The following AARS1 variants were observed in gnomAD, a reference collection of about 807,000 sequenced individuals.
The protein encoded by AARS1 is alanyl-tRNA synthetase 1.
In AARS1, 72 loss-of-function variants were observed where a neutral mutation model predicts 108.9. That is an observed-to-expected ratio of 0.66 (90% CI 0.55 to 0.80). The LOEUF (loss-of-function observed/expected upper bound fraction) is 0.80. Ranked by LOEUF, AARS1 falls within the 30% of genes least tolerant of loss-of-function variation. The pLI is 0.00. For missense variants in AARS1, 1,193 were observed against 1,233.2 expected, an observed-to-expected ratio of 0.97 and a Z score of 0.49; for synonymous variants, 489 against 465.7, an observed-to-expected ratio of 1.05 and a Z score of -0.64.
At chr16:70,271,331 C>G (rs1292951167) in intron 5 of AARS1, among the ~76,000 whole-genome samples, 2 of 151,964 alleles carry the variant, frequency 1.3e-5, no homozygotes, top group African/African-American at 2.4e-5. Context: ...GAGTTCGAGA[C>G]CAGCCTGACC....
At chr16:70,262,987 A>AAAAAAAAC (rs1960176197) in intron 11 of AARS1, among the ~76,000 whole-genome samples, 1 of 147,392 alleles carries the variant, frequency 6.8e-6, no homozygotes, top group Non-Finnish European at 1.5e-5. Flanking sequence ...AAAAAAAAAA[A>AAAAAAAAC]AAAAAAAAAA....
rs756739953 is a variant in AARS1, at chr16:70,258,969, G to A, written c.1992+11C>T. 1.2e-5 allele frequency: 19 copies of A among 1,613,682 alleles called. No individual in the cohort carries two copies. The highest frequency in any genetic ancestry group is 4.5e-5 in the East Asian group (2 of 44,882). ...TGGGGAGGGGGGGCATTCAGCCGTC[G>A]CCCATCCTACCTTGGCTGCCTCAAT... On this transcript the variant is annotated intron_variant, in intron 14 of 20. Transcript: ENST00000261772.
chr16:70,277,290 G>C, intron 2 of AARS1, 136 bp from the exon 3 acceptor site: 1 of 997,614 alleles, frequency 1.0e-6, no homozygotes, highest in South Asian at 1.4e-5. Flanking sequence ...ACACTTGTCA[G>C]AACAGGTGGC....
chr16:70,285,529 G>T (rs944238183), intron 1 of AARS1, among the ~76,000 whole-genome samples: 1 of 152,052 alleles, frequency 6.6e-6, no homozygotes, highest in South Asian at 2.1e-4. Context: ...GCTCACTGCA[G>T]CTTCCACCTC....
intron 17 of AARS1, chr16:70,254,391 A>T: frequency 3.4e-6 from 2 of 594,192 alleles, no homozygotes; most frequent in African/African-American, 1.8e-5. Context: ...GTGCCCATAC[A>T]TGCTTGGGAA....
In AARS1 at chr16:70,277,125, G is replaced by A. The variant is rs1258171476; in HGVS notation, c.174C>T (p.Asp58=). The change falls in exon 3 of 21, where the codon GAC becomes GAT. Residue 58 remains aspartate, a synonymous_variant. Transcript: ENST00000261772. ...QFKPIFLNTI[D]PSHPMAKLSR... is the part of the protein sequence containing the mutation. ...TCAGCTTTGCCATGGGGTGAGATGG[G>A]TCAATTGTGTTCAGGAAAATGGGTT... is the stretch of plus-strand genomic sequence containing the variant. 6.2e-6 allele frequency: 10 copies of A among 1,614,044 alleles called. No homozygotes were observed. The highest frequency in any genetic ancestry group is 6.8e-6 in the Non-Finnish European group (8 of 1,180,038).
chr16:70,275,459 A>T (rs951176972), intron 4 of AARS1, among the ~76,000 whole-genome samples: 1 of 151,112 alleles, frequency 6.6e-6, no homozygotes, highest in African/African-American at 2.4e-5. Context: ...ACTAAAAAAT[A>T]TATATATATA....
chr16:70,273,863 CAAAAAAAAAAA>C (rs71385651), intron 4 of AARS1, among the ~76,000 whole-genome samples: 1 of 54,262 alleles, frequency 1.8e-5, no homozygotes, highest in African/African-American at 8.8e-5. Flanking sequence ...ACTCCGTCTC[CAAAAAAAAAAA>C]AAAAAAAAAA....
intron 16 of AARS1, 70 bp from the exon 17 acceptor site, chr16:70,254,804 G>T: frequency 3.8e-6 from 4 of 1,063,396 alleles, no homozygotes; most frequent in Non-Finnish European, 5.8e-6. Context: ...TGTCTGAGCA[G>T]CTGCGGAAGC....
rs1959860940 is a variant in AARS1 at position 70,252,357 on chromosome 16, T to G, written c.*364A>C. The G allele has an allele frequency of 5.6e-6, 2 of 360,162 alleles. No homozygotes were observed. The highest frequency in any genetic ancestry group is 1.0e-5 in the Non-Finnish European group (2 of 193,586). The allele number at this position is 360,162 out of a possible 1,614,324, so 22.3% of individuals were successfully genotyped here. ...GGCTGTCAAAAGAGCCAGCCCCTAT[T>G]GGGAAGAGGGATAGAGATCATGCGG... is the stretch of plus-strand genomic sequence containing the variant. On this transcript the variant is annotated 3_prime_UTR_variant, in exon 21 of 21. Transcript: ENST00000261772.
chr16:70,266,710 T>C (rs1024078763), intron 9 of AARS1, among the ~76,000 whole-genome samples: 6 of 151,922 alleles, frequency 3.9e-5, no homozygotes, highest in Admixed American at 3.9e-4. Flanking sequence ...TTAGTAGAGA[T>C]GGGGTTTTAC....
rs1597441164 is a variant in AARS1, at chr16:70,268,478, T to C, written c.963-99A>G. ...AAAGCAACACCTCTTTCAGGAACTT[T>C]CTTTTATCCTAAGCCTGCTTCTTTC... On this transcript the variant is annotated intron_variant, in intron 7 of 20. Transcript: ENST00000261772. 5 of 959,032 alleles carry C rather than the reference T, an allele frequency of 5.2e-6. No individual in the cohort carries two copies. The East Asian group carries it at 1.0e-4, about 19-fold the overall frequency. The allele number at this position is 959,032 out of a possible 1,614,324, so 59.4% of individuals were successfully genotyped here.
chr16:70,274,670 G>C (rs1268895305), intron 4 of AARS1, among the ~76,000 whole-genome samples: 1 of 150,978 alleles, frequency 6.6e-6, no homozygotes, highest in Non-Finnish European at 1.5e-5. Context: ...GTTGCAGTGA[G>C]CTGAGATCGC....
rs1277239396 is a variant in AARS1 at position 70,289,458 on chromosome 16, G to C, written c.-59C>G. 9 of 418,928 alleles carry C rather than the reference G, an allele frequency of 2.1e-5. No individual in the cohort carries two copies. The highest frequency in any genetic ancestry group is 3.9e-5 in the Non-Finnish European group (8 of 207,762). 26.0% of individuals were successfully genotyped at this position (418,928 alleles called of 1,614,324 possible). ...CGCCGTCCCCAGCTCCTCCCTCAGA[G>C]TCCCCCGCCAAGGGCCCGCTGCACC... On this transcript the variant is annotated 5_prime_UTR_variant, in exon 1 of 21. Coordinates refer to ENST00000261772, the MANE Select transcript of AARS1 (RefSeq NM_001605.3).
At chr16:70,257,812 T>G (rs2152153302) in intron 15 of AARS1, among the ~76,000 whole-genome samples, 1 of 152,290 alleles carries the variant, frequency 6.6e-6, no homozygotes, top group Admixed American at 6.5e-5. Flanking sequence ...GTTTTCCCCC[T>G]TTTCCTCCTG....
rs551104207 is a variant in AARS1 at position 70,288,404 on chromosome 16, C to G, written c.-22+1017G>C. Among the ~76,000 whole-genome samples, 5 of 150,378 alleles carry G rather than the reference C, an allele frequency of 3.3e-5. No homozygotes were observed. The South Asian group carries it at 8.4e-4, about 25-fold the overall frequency. On this transcript the variant is annotated intron_variant, in intron 1 of 20. Transcript: ENST00000261772. ...GATTACAGGCGTGAGCCACCGCGCC[C>G]GGCCGCCTTCCCCTTCTTGATAAGG...
Position 70,259,091 on chromosome 16 carries a change from T to C in AARS1, c.1881A>G (p.Ser627=), listed in dbSNP as rs1486965038. The part of the protein sequence containing the change: ...SVLGEADQKG[S]LVAPDRLRFD... ...ATCTGAGGCGGTCAGGAGCAACCAA[T>C]GAGCCTTTCTGGTCAGCTTCCCCAA... is the stretch of plus-strand genomic sequence containing the variant. Residue 627 remains serine (S), a synonymous_variant, in exon 14 of 21, where the codon TCA becomes TCG. Transcript: ENST00000261772. 1.2e-6 allele frequency: 2 copies of C among 1,614,024 alleles called. No homozygotes were observed. Among genetic ancestry groups the C allele is most frequent in the African/African-American group, 2.7e-5 (2 of 74,928 alleles).
In AARS1 at chr16:70,267,684, G is replaced by A. The variant is rs1004244836; in HGVS notation, c.1197C>T (p.Ser399=). ...CGGGAATGGTCTTGCTGTCTCCCAGGCTCTGAATTTTCCTGTCCAGGATGC... is the reference window on the plus strand; with the variant it reads ...CGGGAATGGTCTTGCTGTCTCCCAGACTCTGAATTTTCCTGTCCAGGATGC... ...GRRILDRKIQ[S]LGDSKTIPGD... Residue 399 remains serine, a synonymous_variant, in exon 9 of 21, where the codon AGC becomes AGT. Coordinates refer to ENST00000261772, the MANE Select transcript of AARS1 (RefSeq NM_001605.3). 6.2e-7 allele frequency: 1 copy of A among 1,614,176 alleles called. No homozygotes were observed. The highest frequency in any genetic ancestry group is 1.1e-5 in the South Asian group (1 of 91,090).
intron 1 of AARS1, among the ~76,000 whole-genome samples, chr16:70,288,659 C>T (rs990282184): frequency 2.0e-5 from 3 of 151,364 alleles, no homozygotes; most frequent in African/African-American, 7.3e-5. Flanking sequence ...CTCCGCCTGC[C>T]GGGTTCAAGC....
Sources: gnomAD v4.1 joint callset for allele counts (sites outside exome capture counted in the v4.1 genomes callset) on GRCh38, gnomAD v4.1.1 for gene constraint, MANE v1.5 for transcripts, NCBI Gene and HGNC (gene_info 2026-07-23, HGNC 2026-07-21) for gene names.